The following NTN1 variants were observed in gnomAD, a reference collection of about 807,000 sequenced individuals.
NTN1 encodes netrin-1.
Under a neutral mutation model 54.2 loss-of-function variants are expected in NTN1, and 11 were observed. The ratio of observed to expected loss-of-function variants is 0.20; its 90% confidence interval spans 0.13 to 0.34. The LOEUF (loss-of-function observed/expected upper bound fraction) is 0.34. Among genes scored for constraint, NTN1 ranks in the 10% least tolerant of loss-of-function variants. The probability of loss-of-function intolerance (pLI) is 1.00; values close to 1 mark genes in which losing one functional copy is unlikely to be tolerated. For missense variants in NTN1, 740 were observed against 893.1 expected (o/e 0.83, Z 2.18); for synonymous variants, 371 against 382.0 (o/e 0.97, Z 0.33).
At chr17:9,191,974 C>CA (rs199861842) in intron 5 of NTN1, among the ~76,000 whole-genome samples, 29,091 of 132,306 alleles carry the variant, frequency 0.22, 2,996 homozygotes, top group Middle Eastern at 0.23. Flanking sequence ...GACCCTGTCT[C>CA]AAAAAAAAAA....
chr17:9,180,713 C>T (rs996322756), intron 4 of NTN1, among the ~76,000 whole-genome samples: 13 of 152,296 alleles, frequency 8.5e-5, no homozygotes, highest in African/African-American at 2.4e-4. Context: ...CTTCCATGCA[C>T]GGCACCTGTG....
intron 6 of NTN1, among the ~76,000 whole-genome samples, chr17:9,227,175 A>G (rs1318537433): frequency 6.6e-6 from 1 of 152,026 alleles, no homozygotes; most frequent in Non-Finnish European, 1.5e-5. Flanking sequence ...ACTCACAGGC[A>G]CACATACCAC....
intron 2 of NTN1, among the ~76,000 whole-genome samples, chr17:9,056,223 AT>A (rs1410748204): frequency 6.6e-6 from 1 of 152,114 alleles, no homozygotes; most frequent in Non-Finnish European, 1.5e-5. Context: ...CACCTGGCTA[AT>A]TTTTGTATTT....
intron 3 of NTN1, 57 bp downstream of exon 3, chr17:9,163,058 C>A: frequency 1.3e-6 from 2 of 1,497,568 alleles, no homozygotes; most frequent in South Asian, 2.5e-5. Context: ...ATCAGTCCTC[C>A]CGCTCCCTCC....
chr17:9,073,313 G>T (rs1287055316), intron 2 of NTN1, among the ~76,000 whole-genome samples: 1 of 152,184 alleles, frequency 6.6e-6, no homozygotes, highest in Non-Finnish European at 1.5e-5. Flanking sequence ...TCAGAGAGTT[G>T]AACCTGAACA....
At chr17:9,103,584 A>G (rs2092156988) in intron 2 of NTN1, among the ~76,000 whole-genome samples, 1 of 152,132 alleles carries the variant, frequency 6.6e-6, no homozygotes, top group Admixed American at 6.6e-5. Context: ...AAGCCTCGCC[A>G]GCCATGGTGA....
chr17:9,219,208 A>C lies in NTN1; in HGVS notation c.1412-1960A>C, dbSNP rs1905277514. Among the ~76,000 whole-genome samples the C allele has an allele frequency of 6.6e-6, 1 of 152,082 alleles. No individual in the cohort carries two copies. The highest frequency in any genetic ancestry group is 6.5e-5 in the Admixed American group (1 of 15,278). On this transcript the variant is annotated intron_variant, in intron 5 of 6. Coordinates refer to ENST00000173229, the MANE Select transcript of NTN1 (RefSeq NM_004822.3). This position sits in a 1 kb window ranked among gnomAD's most constrained non-coding sequence, Gnocchi z 4.5. ...TGGTGCTGATGGCGCCGTTGACTTG[A>C]GTGTTTGGGCTGCCGTCACTTTCAT... is the stretch of plus-strand genomic sequence containing the variant.
intron 2 of NTN1, among the ~76,000 whole-genome samples, chr17:9,032,998 G>A (rs1362566977): frequency 1.3e-5 from 2 of 148,356 alleles, no homozygotes; most frequent in Non-Finnish European, 3.0e-5. Context: ...CTGTCATCGA[G>A]GCTGGAGTGC....
At chr17:9,153,305 A>G (rs370474306) in intron 2 of NTN1, among the ~76,000 whole-genome samples, 305 of 151,702 alleles carry the variant, frequency 2.0e-3, no homozygotes, top group African/African-American at 6.7e-3. Context: ...AAACATTAGC[A>G]GGGCGTGGTG....
chr17:9,181,186 T>C (rs1170094616), intron 4 of NTN1, among the ~76,000 whole-genome samples: 5 of 152,180 alleles, frequency 3.3e-5, no homozygotes, highest in Non-Finnish European at 1.5e-5. Flanking sequence ...GGCTGATGCC[T>C]GGCGAGAGCA....
chr17:9,103,007 T>C (rs542506448), intron 2 of NTN1, among the ~76,000 whole-genome samples: 1 of 152,136 alleles, frequency 6.6e-6, no homozygotes, highest in Admixed American at 6.5e-5. Context: ...TGGCTTCTGA[T>C]GGTGAGTGTG....
chr17:9,049,973 G>A (rs61176905), intron 2 of NTN1, among the ~76,000 whole-genome samples: 23,029 of 152,166 alleles, frequency 0.15, 1,901 homozygotes, highest in Non-Finnish European at 0.18. Flanking sequence ...TCGGCCAGGC[G>A]CAGTGGCTCA....
At chr17:9,201,021 A>G (rs1904768481) in intron 5 of NTN1, among the ~76,000 whole-genome samples, 1 of 152,114 alleles carries the variant, frequency 6.6e-6, no homozygotes, top group Non-Finnish European at 1.5e-5. Context: ...GTTTTTTTTA[A>G]TGGCACAGAT....
rs1305875726 is a variant in NTN1, at chr17:9,192,581, G to C, written c.1411+9612G>C. Among the ~76,000 whole-genome samples the C allele has an allele frequency of 2.0e-5, 3 of 152,312 alleles. No homozygotes were observed. In the East Asian group the frequency reaches 5.8e-4, roughly 29 times the overall value. On this transcript the variant is annotated intron_variant, in intron 5 of 6. Transcript: ENST00000173229. ...GGCCAGGGATGCAGCCAAGTATCTT[G>C]TGTTACGCAGGACAGCTCACGCAAC...
chr17:9,127,384 C>T (rs188166309), intron 2 of NTN1, among the ~76,000 whole-genome samples: 2 of 152,174 alleles, frequency 1.3e-5, no homozygotes, highest in East Asian at 3.9e-4. Context: ...AGCAATGACC[C>T]GTGAGTCCTT....
At chr17:9,113,607 T>C (rs2092199716) in intron 2 of NTN1, among the ~76,000 whole-genome samples, 1 of 152,046 alleles carries the variant, frequency 6.6e-6, no homozygotes, top group Admixed American at 6.6e-5. Context: ...GGAAGACACT[T>C]TCTTTGTGCA....
At chr17:9,231,098 G>A (rs566104219) in intron 6 of NTN1, among the ~76,000 whole-genome samples, 6 of 152,092 alleles carry the variant, frequency 3.9e-5, no homozygotes, top group Admixed American at 6.5e-5. Flanking sequence ...TTCTCCCGAC[G>A]CAGAGCGCGG....
chr17:9,112,781 G>A (rs1289891927), intron 2 of NTN1, among the ~76,000 whole-genome samples: 13 of 132,122 alleles, frequency 9.8e-5, no homozygotes, highest in African/African-American at 3.2e-4. Flanking sequence ...AGCCGAGATC[G>A]CGCCACTGCA....
At chr17:9,226,583 C>T (rs1905571895) in intron 6 of NTN1, among the ~76,000 whole-genome samples, 2 of 151,984 alleles carry the variant, frequency 1.3e-5, no homozygotes, top group South Asian at 4.2e-4. Flanking sequence ...TCTCCTGGGG[C>T]ACTCAGTCCT....
Sources: allele counts gnomAD v4.1 joint callset (sites outside exome capture counted in the v4.1 genomes callset), GRCh38; gene constraint gnomAD v4.1.1; non-coding constraint Gnocchi (gnomAD v3.1); transcripts MANE v1.5; gene names NCBI Gene and HGNC (gene_info 2026-07-23, HGNC 2026-07-21).